Variants in HECW1 observed in about 807,000 individuals in gnomAD.
HECW1 encodes HECT, C2 and WW domain containing E3 ubiquitin protein ligase 1.
A neutral mutation model predicts 182.3 loss-of-function variants in HECW1; 61 were observed. That is an observed-to-expected ratio of 0.33 (90% CI 0.27 to 0.41). The LOEUF (loss-of-function observed/expected upper bound fraction) is 0.41. Among genes scored for constraint, HECW1 ranks in the 10% least tolerant of loss-of-function variants. The probability of loss-of-function intolerance (pLI) is 1.00; values close to 1 mark genes in which losing one functional copy is unlikely to be tolerated. For missense variants in HECW1, 1,739 were observed against 2,108.9 expected (o/e 0.82, Z 3.44); for synonymous variants, 859 against 832.6 (o/e 1.03, Z -0.55).
At chr7:43,353,542 G>A (rs1365066956) in intron 5 of HECW1, among the ~76,000 whole-genome samples, 1 of 152,050 alleles carries the variant, frequency 6.6e-6, no homozygotes, top group Admixed American at 6.6e-5. Flanking sequence ...ACTCAAATAT[G>A]AGGGTAAGAC....
rs930105109 is a variant in HECW1, at chr7:43,243,855, C to T, written c.-31-20C>T. 1.3e-6 allele frequency: 2 copies of T among 1,599,790 alleles called. No individual in the cohort carries two copies. Among genetic ancestry groups the T allele is most frequent in the Middle Eastern group, 3.3e-4 (2 of 6,030 alleles). On this transcript the variant is annotated intron_variant, in intron 2 of 29. Coordinates refer to ENST00000395891, the MANE Select transcript of HECW1 (RefSeq NM_015052.5). This position sits in a 1 kb window ranked among gnomAD's most constrained non-coding sequence, Gnocchi z 4.0. ...TGCTTGGGATACACGCTAAGTTAAC[C>T]TCGTTGGACTTTTCCCCAGGAATTG...
intron 6 of HECW1, chr7:43,377,686 A>G (rs930139963): frequency 9.8e-5 from 20 of 204,352 alleles, no homozygotes; most frequent in African/African-American, 4.6e-4. Flanking sequence ...TACAGCAAAG[A>G]TGGCAGAAGC....
At chr7:43,294,902 G>A (rs1489665406) in intron 3 of HECW1, among the ~76,000 whole-genome samples, 1 of 152,080 alleles carries the variant, frequency 6.6e-6, no homozygotes, top group African/African-American at 2.4e-5. Flanking sequence ...TACATTTTAG[G>A]GAGACGTGAG....
chr7:43,416,626 G>A lies in HECW1; in HGVS notation c.801+8895G>A, dbSNP rs532837708. Among the ~76,000 whole-genome samples, 430 of 149,588 alleles carry A rather than the reference G, an allele frequency of 2.9e-3. 1 individual carries two copies. The highest frequency in any genetic ancestry group is 9.5e-3 in the African/African-American group (389 of 40,810). On this transcript the variant is annotated intron_variant, in intron 8 of 29. Transcript: ENST00000395891. The stretch of plus-strand genomic sequence containing the variant: ...GGCAATGGCGGGCACCCCTCCCCCA[G>A]CCTCGCTGCCGCCTTGCAGTTTGAT...
At chr7:43,267,973 C>G (rs17709833) in intron 3 of HECW1, among the ~76,000 whole-genome samples, 8,275 of 151,988 alleles carry the variant, frequency 0.054, 302 homozygotes, top group Middle Eastern at 0.11. Context: ...GATAAACTTT[C>G]AAGCAGTACA....
At chr7:43,125,615 G>A (rs562923338) in intron 2 of HECW1, among the ~76,000 whole-genome samples, 15 of 151,808 alleles carry the variant, frequency 9.9e-5, no homozygotes, top group African/African-American at 2.7e-4. Context: ...AAAATTAGCC[G>A]GGCATGGTGT....
At chr7:43,193,711 C>T (rs2152684838) in intron 2 of HECW1, among the ~76,000 whole-genome samples, 1 of 152,184 alleles carries the variant, frequency 6.6e-6, no homozygotes, top group Non-Finnish European at 1.5e-5. Context: ...TAGTGGGAGA[C>T]TGCCTTTCCC....
At chr7:43,113,010 C>T (rs551716882) in intron 1 of HECW1, 73 bp downstream of exon 1, 5 of 193,294 alleles carry the variant, frequency 2.6e-5, no homozygotes, top group African/African-American at 9.3e-5. Flanking sequence ...GCTTCCCCGC[C>T]GCACGCGAGG....
chr7:43,411,833 T>G (rs2075813906), intron 8 of HECW1, among the ~76,000 whole-genome samples: 1 of 152,212 alleles, frequency 6.6e-6, no homozygotes, highest in South Asian at 2.1e-4. Context: ...ATGTTTGTGT[T>G]TTTACTTATA....
intron 29 of HECW1, among the ~76,000 whole-genome samples, chr7:43,560,352 C>A (rs1050178190): frequency 2.0e-5 from 3 of 152,132 alleles, no homozygotes; most frequent in African/African-American, 7.2e-5. Context: ...AAGAATTCTG[C>A]CAATCTGTAT....
At chr7:43,297,170 G>A (rs754698198) in intron 3 of HECW1, among the ~76,000 whole-genome samples, 23 of 152,166 alleles carry the variant, frequency 1.5e-4, no homozygotes, top group Non-Finnish European at 2.8e-4. Context: ...ATCATATGCT[G>A]AACAACAGCT....
At chr7:43,153,482 T>C (rs1053594443) in intron 2 of HECW1, among the ~76,000 whole-genome samples, 1 of 152,230 alleles carries the variant, frequency 6.6e-6, no homozygotes, top group Non-Finnish European at 1.5e-5. Flanking sequence ...AAAGTCTTTC[T>C]CATGTCTAGT....
chr7:43,476,485 A>G (rs2078224063), intron 16 of HECW1, among the ~76,000 whole-genome samples: 1 of 152,180 alleles, frequency 6.6e-6, no homozygotes, highest in Admixed American at 6.5e-5. Context: ...CAATAGAACT[A>G]TTTTTGGAAC....
At chr7:43,292,345 A>C (rs1277993447) in intron 3 of HECW1, among the ~76,000 whole-genome samples, 5 of 152,218 alleles carry the variant, frequency 3.3e-5, no homozygotes, top group Admixed American at 3.3e-4. Context: ...TACGGCCAGC[A>C]CTTGTGCAAA....
chr7:43,512,610 T>G (rs1585144422), intron 24 of HECW1, among the ~76,000 whole-genome samples: 1 of 152,338 alleles, frequency 6.6e-6, no homozygotes, highest in South Asian at 2.1e-4. Context: ...AGTCAGTTGC[T>G]TGTAGGCTAG....
chr7:43,375,890 CAAAAAA>C (rs71011911), intron 6 of HECW1, among the ~76,000 whole-genome samples: 2 of 102,912 alleles, frequency 1.9e-5, no homozygotes, highest in South Asian at 3.5e-4. Flanking sequence ...AGACCCTTCT[CAAAAAA>C]AAAAAAAAAA....
chr7:43,563,444 T>C lies in HECW1; in HGVS notation c.*1518T>C, dbSNP rs76418758. 2,040 of 198,770 alleles carry C rather than the reference T, an allele frequency of 0.01. 95 individuals carry two copies. The highest frequency in any genetic ancestry group is 0.073 in the Admixed American group (1,213 of 16,516). The allele number at this position is 198,770 out of a possible 1,614,324, so 12.3% of individuals were successfully genotyped here. A position where few individuals can be genotyped will look rare whatever the true frequency, so the allele number is the denominator to read the frequency against. ...AAGAAGAGCTCAAGAGACCCCACTA[T>C]TTAAATGTCATTTAATTGTTTTCCA... is the stretch of plus-strand genomic sequence containing the variant. On this transcript the variant is annotated 3_prime_UTR_variant, in exon 30 of 30. Transcript: ENST00000395891.
intron 3 of HECW1, among the ~76,000 whole-genome samples, chr7:43,265,858 G>C (rs1801726808): frequency 6.6e-6 from 1 of 152,166 alleles, no homozygotes. Flanking sequence ...TGATCTGCTA[G>C]AATGACTTAT....
At chr7:43,284,182 A>G (rs940158766) in intron 3 of HECW1, among the ~76,000 whole-genome samples, 1 of 151,998 alleles carries the variant, frequency 6.6e-6, no homozygotes, top group African/African-American at 2.4e-5. Context: ...AAATGGGAGG[A>G]CTGTTTTTCC....
Sources: gnomAD v4.1 joint callset for allele counts (sites outside exome capture counted in the v4.1 genomes callset) on GRCh38, gnomAD v4.1.1 for gene constraint, Gnocchi (gnomAD v3.1) non-coding constraint, MANE v1.5 for transcripts, NCBI Gene and HGNC (gene_info 2026-07-23, HGNC 2026-07-21) for gene names.